The following LIMD1 variants were observed in gnomAD, a reference collection of about 807,000 sequenced individuals.
The protein encoded by LIMD1 is LIM domain-containing protein 1.
Under a neutral mutation model 58.4 loss-of-function variants are expected in LIMD1, and 23 were observed. That is an observed-to-expected ratio of 0.39 (90% CI 0.28 to 0.56). The LOEUF (loss-of-function observed/expected upper bound fraction) is 0.56, where lower values mean the gene tolerates loss of function less well. Ranked by LOEUF, LIMD1 falls within the 20% of genes least tolerant of loss-of-function variation. The pLI is 0.57. For synonymous variants in LIMD1, 334 were observed against 345.5 expected (o/e 0.97, Z 0.37); for missense variants, 838 against 855.5 (o/e 0.98, Z 0.25).
chr3:45,673,886 C>CA (rs753659549), intron 6 of LIMD1: 15,602 of 189,936 alleles, frequency 0.082, 58 homozygotes, highest in South Asian at 0.12. Context: ...ACCTTGTCTC[C>CA]AAAAAAAAAA....
rs35720186 is a variant in LIMD1, at chr3:45,637,282, A to ATTT, written c.1510+1045_1510+1047dup. 1.0e-4 allele frequency among the ~76,000 whole-genome samples: 15 copies of ATTT among 144,656 alleles called. 1 individual carries two copies. The highest frequency in any genetic ancestry group is 4.4e-4 in the South Asian group (2 of 4,566). 94.9% of individuals were successfully genotyped at this position (144,656 alleles called of 152,430 possible). On this transcript the variant is annotated intron_variant, in intron 2 of 7. Transcript: ENST00000273317. ...TTTCTAGAGTGAGGCAAGTGTATTA[A>ATTT]TTTTTTTTTTTTTTTTGAGACGGAG...
At chr3:45,624,212 G>T (rs1214853305) in intron 1 of LIMD1, among the ~76,000 whole-genome samples, 1 of 152,144 alleles carries the variant, frequency 6.6e-6, no homozygotes, top group Non-Finnish European at 1.5e-5. Context: ...CCTGACCCTT[G>T]CCCCAACCCC....
At position 45,619,821 on chromosome 3, in the gene LIMD1, AC is replaced by A. The variant is rs1246355012; in HGVS notation, c.1409-16323del. 1.1e-4 allele frequency among the ~76,000 whole-genome samples: 6 copies of A among 56,502 alleles called. No homozygotes were observed. The East Asian group carries it at 3.2e-3, about 30-fold the overall frequency. The allele number at this position is 56,502 out of a possible 152,430, so 37.1% of individuals were successfully genotyped here. ...CTAAAAAAATTAATAATAATAACCA[AC>A]CCCCCGCCCCCCCCCCCAAAAAAAG... On this transcript the variant is annotated intron_variant, in intron 1 of 7. Transcript: ENST00000273317.
chr3:45,641,739 C>G (rs1304218168), intron 2 of LIMD1, among the ~76,000 whole-genome samples: 1 of 152,150 alleles, frequency 6.6e-6, no homozygotes, highest in Non-Finnish European at 1.5e-5. Flanking sequence ...GCAGGCAACA[C>G]AAAGAATGTG....
At chr3:45,661,402 A>G (rs1477348941) in intron 2 of LIMD1, among the ~76,000 whole-genome samples, 1 of 152,136 alleles carries the variant, frequency 6.6e-6, no homozygotes, top group Non-Finnish European at 1.5e-5. Flanking sequence ...GTCAATAAAT[A>G]TTTTTTTGAA....
chr3:45,654,029 T>G (rs1356522013), intron 2 of LIMD1, among the ~76,000 whole-genome samples: 1 of 152,064 alleles, frequency 6.6e-6, no homozygotes, highest in Non-Finnish European at 1.5e-5. Flanking sequence ...GCTTCCCTAG[T>G]CACAAGTGGC....
chr3:45,671,065 A>G (rs1697580730), intron 4 of LIMD1, among the ~76,000 whole-genome samples: 1 of 152,244 alleles, frequency 6.6e-6, no homozygotes, highest in African/African-American at 2.4e-5. Context: ...CCAAGACAGC[A>G]TTCATCTTGG....
rs1697798513 is a variant in LIMD1, at chr3:45,685,417, G to C, written c.*8358G>C. On this transcript the variant is annotated 3_prime_UTR_variant, in exon 8 of 8. Transcript: ENST00000273317. ...TTCTACATGACAATGGGTGGCAGTT[G>C]CTCATATGGAAGCATTTCTTTTCCC... is the stretch of plus-strand genomic sequence containing the variant. 6.6e-6 allele frequency: 1 copy of C among 152,176 alleles called. No individual in the cohort carries two copies. The highest frequency in any genetic ancestry group is 1.5e-5 in the Non-Finnish European group (1 of 68,042). The allele number at this position is 152,176 out of a possible 1,614,324, so 9.4% of individuals were successfully genotyped here.
chr3:45,620,712 G>C (rs975172491), intron 1 of LIMD1, among the ~76,000 whole-genome samples: 1 of 152,096 alleles, frequency 6.6e-6, no homozygotes, highest in African/African-American at 2.4e-5. Context: ...CTGGGCAACA[G>C]AGCAAGACTC....
chr3:45,610,392 C>T (rs1019769351), intron 1 of LIMD1, among the ~76,000 whole-genome samples: 5 of 152,138 alleles, frequency 3.3e-5, no homozygotes, highest in Non-Finnish European at 4.4e-5. Context: ...CTCAGATGAG[C>T]GCTCTCATGT....
At chr3:45,600,462 T>A (rs1042756087) in intron 1 of LIMD1, among the ~76,000 whole-genome samples, 1 of 151,838 alleles carries the variant, frequency 6.6e-6, no homozygotes, top group Non-Finnish European at 1.5e-5. Flanking sequence ...TTTAGTAAAA[T>A]AGGATCCTAC....
At chr3:45,620,884 A>G (rs1701623103) in intron 1 of LIMD1, among the ~76,000 whole-genome samples, 1 of 152,240 alleles carries the variant, frequency 6.6e-6, no homozygotes, top group African/African-American at 2.4e-5. Context: ...CACCTTAACT[A>G]AGTGATCAAG....
rs1701583879 is a variant in LIMD1, at chr3:45,617,139, T to C, written c.1409-19011T>C. 2.0e-5 allele frequency among the ~76,000 whole-genome samples: 3 copies of C among 151,594 alleles called. No homozygotes were observed. In the South Asian group the frequency reaches 6.3e-4, roughly 32 times the overall value. On this transcript the variant is annotated intron_variant, in intron 1 of 7. Coordinates refer to ENST00000273317, the MANE Select transcript of LIMD1 (RefSeq NM_014240.3). Reference sequence around the variant, plus strand: ...GCCTCTGCCTCTCAGGTTCAAGCAGTTCTCCTGCCTCGGCCTCCCTAGTAG... The same window carrying C: ...GCCTCTGCCTCTCAGGTTCAAGCAGCTCTCCTGCCTCGGCCTCCCTAGTAG...
rs1027352991 is a variant in LIMD1 at position 45,680,400 on chromosome 3, C to T, written c.*3341C>T. The T allele has an allele frequency of 1.3e-5, 2 of 152,298 alleles. No individual in the cohort carries two copies. The highest frequency in any genetic ancestry group is 6.5e-5 in the Admixed American group (1 of 15,274). The allele number at this position is 152,298 out of a possible 1,614,324, so 9.4% of individuals were successfully genotyped here. A position where few individuals can be genotyped will look rare whatever the true frequency, so the allele number is the denominator to read the frequency against. On this transcript the variant is annotated 3_prime_UTR_variant, in exon 8 of 8. Transcript: ENST00000273317. Reference sequence around the variant, plus strand: ...CGATCTCAGCTCACTGCAGCCTCCACCTACTGGGCTCAAGTGATCCTCCCA... The same window carrying T: ...CGATCTCAGCTCACTGCAGCCTCCATCTACTGGGCTCAAGTGATCCTCCCA...
chr3:45,649,936 C>T (rs1176635318), intron 2 of LIMD1, among the ~76,000 whole-genome samples: 1 of 146,856 alleles, frequency 6.8e-6, no homozygotes, highest in Non-Finnish European at 1.5e-5. Flanking sequence ...GTTTTTCCCC[C>T]ATTCTGGCTG....
intron 2 of LIMD1, among the ~76,000 whole-genome samples, chr3:45,655,819 C>T (rs765859293): frequency 2.0e-5 from 3 of 152,156 alleles, no homozygotes; most frequent in Non-Finnish European, 2.9e-5. Flanking sequence ...ACGTATGAGC[C>T]GCCATAACAA....
intron 1 of LIMD1, among the ~76,000 whole-genome samples, chr3:45,621,607 T>G (rs1701628818): frequency 6.6e-6 from 1 of 152,194 alleles, no homozygotes; most frequent in Admixed American, 6.5e-5. Context: ...TTTTAAAAGT[T>G]GTGTAGTATT....
chr3:45,613,478 A>G (rs895455626), intron 1 of LIMD1, among the ~76,000 whole-genome samples: 2 of 152,174 alleles, frequency 1.3e-5, no homozygotes, highest in African/African-American at 2.4e-5. Context: ...TGCATTATCA[A>G]CTGGGCTTTT....
In LIMD1 at chr3:45,595,520, G is replaced by A. The variant is rs543969881; in HGVS notation, c.641G>A (p.Ser214Asn). ...VGSGWPSSPG[S>N]DPPLPKPCGD... ...AGTGGGTGGCCTAGCTCCCCGGGGA[G>A]TGACCCACCACTGCCCAAACCCTGC... is the stretch of plus-strand genomic sequence containing the variant. The change falls in exon 1 of 8, where the codon AGT becomes AAT. Residue 214 changes from serine (S) to asparagine (N), a missense_variant. Ser to Asn is a conservative substitution (Grantham distance 46). Around this residue, in one of 3 missense-constraint regions of LIMD1, gnomAD observed 659 missense variants for 639.8 expected, o/e 1.03. Transcript: ENST00000273317. 1 of 1,614,012 alleles carries A rather than the reference G, an allele frequency of 6.2e-7. No homozygotes were observed. Among genetic ancestry groups the A allele is most frequent in the South Asian group, 1.1e-5 (1 of 91,066 alleles).
Sources: allele counts gnomAD v4.1 joint callset (sites outside exome capture counted in the v4.1 genomes callset), GRCh38; gene constraint gnomAD v4.1.1; regional missense constraint gnomAD v4.1.1; transcripts MANE v1.5; gene names NCBI Gene and HGNC (gene_info 2026-07-23, HGNC 2026-07-21).